Variants in GRIP1 observed in about 807,000 individuals in gnomAD.
GRIP1 encodes the protein glutamate receptor-interacting protein 1.
GRIP1 carries 45 observed loss-of-function variants against 129.9 expected under a neutral mutation model. The observed-to-expected ratio is 0.35, with a 90% CI of 0.27 to 0.44. The LOEUF is 0.44. GRIP1 is among the 20% of genes least tolerant of loss of function. GRIP1 has a pLI of 1.00. For synonymous variants in GRIP1, 530 were observed against 520.8 expected, an observed-to-expected ratio of 1.02 and a Z score of -0.24; for missense variants, 1,196 against 1,396.8, an observed-to-expected ratio of 0.86 and a Z score of 2.29.
At chr12:66,406,735 T>C (rs1056292168) in intron 15 of GRIP1, among the ~76,000 whole-genome samples, 2 of 152,226 alleles carry the variant, frequency 1.3e-5, no homozygotes, top group African/African-American at 4.8e-5. Flanking sequence ...AGGGTCTGCA[T>C]AGACCCAGGT....
chr12:66,369,953 C>T (rs754531440), intron 23 of GRIP1, among the ~76,000 whole-genome samples: 1 of 152,186 alleles, frequency 6.6e-6, no homozygotes, highest in Non-Finnish European at 1.5e-5. Flanking sequence ...CCTGGGTCAT[C>T]ATCCTAACAT....
intron 1 of GRIP1, among the ~76,000 whole-genome samples, chr12:66,792,805 C>T (rs1219202800): frequency 6.6e-6 from 1 of 152,146 alleles, no homozygotes; most frequent in Non-Finnish European, 1.5e-5. Flanking sequence ...AAGTAGAACA[C>T]TTTAACAAAG....
chr12:66,397,089 C>T (rs1339979513), intron 16 of GRIP1, among the ~76,000 whole-genome samples: 4 of 105,906 alleles, frequency 3.8e-5, no homozygotes, highest in Non-Finnish European at 5.1e-5. Context: ...CCAGCCTGGG[C>T]GATGGAGCGA....
At chr12:66,401,609 TACACACAC>T (rs71096099) in intron 16 of GRIP1, among the ~76,000 whole-genome samples, 1,529 of 110,204 alleles carry the variant, frequency 0.014, 112 homozygotes, top group African/African-American at 0.049. Context: ...TATATATATA[TACACACAC>T]ACACACACAC....
chr12:66,397,532 G>C (rs2056842346), intron 16 of GRIP1, among the ~76,000 whole-genome samples: 2 of 151,170 alleles, frequency 1.3e-5, no homozygotes, highest in Admixed American at 1.3e-4. Context: ...AAAAAGCTAT[G>C]TGTTTTTCTA....
chr12:67,052,103 A>G (rs1052618542), intron 1 of GRIP1, among the ~76,000 whole-genome samples: 1 of 152,224 alleles, frequency 6.6e-6, no homozygotes, highest in African/African-American at 2.4e-5. Flanking sequence ...ACACGTTTGG[A>G]GGCCTTAAGT....
At chr12:66,457,101 TC>T (rs1490779717) in intron 9 of GRIP1, among the ~76,000 whole-genome samples, 2 of 152,144 alleles carry the variant, frequency 1.3e-5, no homozygotes, top group African/African-American at 4.8e-5. Flanking sequence ...CAAATTGCCG[TC>T]CCTTTTATGT....
chr12:66,529,272 A>C (rs2061366512), intron 5 of GRIP1, among the ~76,000 whole-genome samples: 1 of 152,236 alleles, frequency 6.6e-6, no homozygotes, highest in Non-Finnish European at 1.5e-5. Flanking sequence ...CATTTGATCC[A>C]GCAATTCCAC....
intron 1 of GRIP1, among the ~76,000 whole-genome samples, chr12:66,922,429 T>C (rs969405381): frequency 1.9e-4 from 29 of 152,208 alleles, no homozygotes; most frequent in African/African-American, 7.0e-4. Context: ...AGTTTCACAA[T>C]GTACCCATAC....
rs11176467 is a variant in GRIP1 at position 66,869,717 on chromosome 12, G to C, written c.58+199333C>G. Among the ~76,000 whole-genome samples, 63 of 152,242 alleles carry C rather than the reference G, an allele frequency of 4.1e-4. 1 individual carries two copies. In the East Asian group the frequency reaches 0.01, roughly 25 times the overall value. ...AAAGCACCATATAGGATGATGGACTGTGTGCCATTAGCAACAATTTGGGGC... is the reference window on the plus strand; with the variant it reads ...AAAGCACCATATAGGATGATGGACTCTGTGCCATTAGCAACAATTTGGGGC... On this transcript the variant is annotated intron_variant, in intron 1 of 1. Transcript: ENST00000643019.
intron 7 of GRIP1, among the ~76,000 whole-genome samples, chr12:66,506,708 C>A (rs116845719): frequency 0.012 from 1,836 of 152,242 alleles, 43 homozygotes; most frequent in East Asian, 0.1. Context: ...ATACTCTATT[C>A]TAATTTAGTA....
At chr12:66,651,108 T>C (rs2032763677) in intron 1 of GRIP1, among the ~76,000 whole-genome samples, 1 of 152,182 alleles carries the variant, frequency 6.6e-6, no homozygotes, top group Non-Finnish European at 1.5e-5. Flanking sequence ...AGTAGAACAT[T>C]TGTTTCCTAT....
chr12:66,481,466 G>A (rs1418092022), intron 7 of GRIP1, among the ~76,000 whole-genome samples: 1 of 152,220 alleles, frequency 6.6e-6, no homozygotes, highest in Non-Finnish European at 1.5e-5. Context: ...TGGAGAGGAT[G>A]TGGAGAAACA....
At chr12:66,831,352 T>C (rs2039514319) in intron 1 of GRIP1, among the ~76,000 whole-genome samples, 1 of 152,186 alleles carries the variant, frequency 6.6e-6, no homozygotes, top group Non-Finnish European at 1.5e-5. Flanking sequence ...GTTATTTATA[T>C]TTTTATGGAC....
chr12:66,431,735 T>C (rs890165135), intron 14 of GRIP1, among the ~76,000 whole-genome samples: 1 of 152,218 alleles, frequency 6.6e-6, no homozygotes, highest in Non-Finnish European at 1.5e-5. Flanking sequence ...GGGACATTTA[T>C]GGATGCATTT....
chr12:66,377,120 A>G, intron 21 of GRIP1, 54 bp downstream of exon 21: 3 of 1,571,668 alleles, frequency 1.9e-6, no homozygotes, highest in Non-Finnish European at 2.6e-6. Context: ...ACTTAAAAGG[A>G]CCAAAAAAAA....
chr12:66,943,612 G>T (rs1301294657), intron 1 of GRIP1, among the ~76,000 whole-genome samples: 1 of 152,140 alleles, frequency 6.6e-6, no homozygotes, highest in African/African-American at 2.4e-5. Context: ...ATTTTTTCAA[G>T]GAAAGCAGCA....
intron 1 of GRIP1, chr12:66,647,297 G>A (rs1379435227): frequency 6.6e-6 from 1 of 152,218 alleles, no homozygotes; most frequent in Non-Finnish European, 1.5e-5. Context: ...ATACACATAA[G>A]TACCAAAGAT....
chr12:66,660,648 C>T (rs2033441152), intron 1 of GRIP1, among the ~76,000 whole-genome samples: 1 of 152,050 alleles, frequency 6.6e-6, no homozygotes, highest in Non-Finnish European at 1.5e-5. Flanking sequence ...CAGTTTCAGC[C>T]CATTGTTTCA....
Sources: allele counts gnomAD v4.1 joint callset (sites outside exome capture counted in the v4.1 genomes callset), GRCh38; gene constraint gnomAD v4.1.1; transcripts MANE v1.5; gene names NCBI Gene and HGNC (gene_info 2026-07-23, HGNC 2026-07-21).